The following CHRNA7 variants were observed in gnomAD, a reference collection of about 807,000 sequenced individuals.
CHRNA7 encodes the protein cholinergic receptor nicotinic alpha 7 subunit, also known as neuronal acetylcholine receptor subunit alpha-7.
A neutral mutation model predicts 48.0 loss-of-function variants in CHRNA7; 17 were observed. The observed-to-expected ratio is 0.35, with a 90% CI of 0.24 to 0.53. The LOEUF (loss-of-function observed/expected upper bound fraction) is 0.53, where lower values mean the gene tolerates loss of function less well. Ranked by LOEUF, CHRNA7 falls within the 20% of genes least tolerant of loss-of-function variation. CHRNA7 has a pLI of 0.92. For missense variants in CHRNA7, 155 were observed against 577.7 expected (o/e 0.27, Z 7.50); for synonymous variants, 75 against 242.3 (o/e 0.31, Z 6.41).
At chr15:32,134,900 G>A (rs1384847011) in intron 4 of CHRNA7, among the ~76,000 whole-genome samples, 4 of 152,228 alleles carry the variant, frequency 2.6e-5, no homozygotes, top group Non-Finnish European at 4.4e-5. Flanking sequence ...AGTTTCCTGC[G>A]TGAATCATAG....
Position 32,149,275 on chromosome 15 carries a change from C to T in CHRNA7, c.351-4632C>T, listed in dbSNP as rs888303259. On this transcript the variant is annotated intron_variant, in intron 4 of 9. Coordinates refer to ENST00000306901, the MANE Select transcript of CHRNA7 (RefSeq NM_000746.6). This position sits in a 1 kb window ranked among gnomAD's most constrained non-coding sequence, Gnocchi z 4.6. ...AGGAGAATGAATCCCTGCAGCCCTA[C>T]CCCTGTTTCCACGGTTATGGGTGTT... 2.6e-5 allele frequency among the ~76,000 whole-genome samples: 4 copies of T among 152,170 alleles called. No homozygotes were observed. The highest frequency in any genetic ancestry group is 5.9e-5 in the Non-Finnish European group (4 of 68,040).
At chr15:32,124,909 C>A (rs1038511069) in intron 4 of CHRNA7, among the ~76,000 whole-genome samples, 9 of 152,248 alleles carry the variant, frequency 5.9e-5, no homozygotes, top group African/African-American at 2.2e-4. Context: ...TATCTGCAAA[C>A]CAGGACAGTT....
chr15:32,114,879 C>G (rs564182242), intron 4 of CHRNA7, among the ~76,000 whole-genome samples: 2 of 152,324 alleles, frequency 1.3e-5, no homozygotes, highest in East Asian at 3.9e-4. Context: ...GGCCGATGTG[C>G]TGAGGGGTAC....
intron 2 of CHRNA7, among the ~76,000 whole-genome samples, chr15:32,056,510 G>GACA (rs1402523743): frequency 6.6e-6 from 1 of 152,116 alleles, no homozygotes; most frequent in Non-Finnish European, 1.5e-5. Flanking sequence ...CTATGCCTGT[G>GACA]CCCTAATGGA....
rs376319032 is a variant in CHRNA7 at position 32,090,067 on chromosome 15, A to G, written c.196-11236A>G. On this transcript the variant is annotated intron_variant, in intron 2 of 9. Coordinates refer to ENST00000306901, the MANE Select transcript of CHRNA7 (RefSeq NM_000746.6). The stretch of plus-strand genomic sequence containing the variant: ...AGGGGAAGAAGTGTTCTGTAATCCT[A>G]TGTTACATGGTAGCATTGTAGTAGG... 1.5e-4 allele frequency among the ~76,000 whole-genome samples: 23 copies of G among 152,250 alleles called. 1 individual carries two copies. Among genetic ancestry groups the G allele is most frequent in the Admixed American group, 6.5e-4 (10 of 15,292 alleles).
chr15:32,031,420 A>G (rs1047181189), intron 2 of CHRNA7, among the ~76,000 whole-genome samples: 2 of 152,194 alleles, frequency 1.3e-5, no homozygotes, highest in East Asian at 1.9e-4. Flanking sequence ...AGCATTGTCA[A>G]TTTAGCCACT....
chr15:32,068,052 C>T (rs1422198641), intron 2 of CHRNA7, among the ~76,000 whole-genome samples: 1 of 152,136 alleles, frequency 6.6e-6, no homozygotes, highest in East Asian at 1.9e-4. Flanking sequence ...TGGTTCACAC[C>T]TGTATTTTAA....
intron 4 of CHRNA7, among the ~76,000 whole-genome samples, chr15:32,137,837 T>C (rs975340281): frequency 3.9e-5 from 6 of 152,222 alleles, no homozygotes; most frequent in African/African-American, 1.4e-4. Context: ...GAAAAGATAC[T>C]TGTCTAAGCA....
chr15:32,071,075 C>T (rs1166633682), intron 2 of CHRNA7, among the ~76,000 whole-genome samples: 1 of 152,108 alleles, frequency 6.6e-6, no homozygotes, highest in Non-Finnish European at 1.5e-5. Context: ...TGCTTTTGCA[C>T]ATCTGTCATA....
rs768184804 is a variant in CHRNA7 at position 32,158,289 on chromosome 15, CTTT to C, written c.599-113_599-111del. On this transcript the variant is annotated intron_variant, in intron 6 of 9. Coordinates refer to ENST00000306901, the MANE Select transcript of CHRNA7 (RefSeq NM_000746.6). ...TATTCAAGCTAATTACAACCCCCCC[CTTT>C]TTTTTTTTTAGCACTTTGCAAACTT... 0.13 allele frequency: 69,600 copies of C among 521,532 alleles called. 3,723 individuals carry two copies. Among genetic ancestry groups the C allele is most frequent in the East Asian group, 0.3 (5,228 of 17,302 alleles). 32.3% of individuals were successfully genotyped at this position (521,532 alleles called of 1,614,324 possible).
chr15:32,113,590 T>C (rs867695051), intron 4 of CHRNA7, among the ~76,000 whole-genome samples: 1 of 152,270 alleles, frequency 6.6e-6, no homozygotes, highest in Middle Eastern at 3.4e-3. Context: ...AAGTGCCGGC[T>C]TCACAGAGTT....
chr15:32,089,569 G>GCTTC (rs1555379300), intron 2 of CHRNA7, among the ~76,000 whole-genome samples: 4 of 152,172 alleles, frequency 2.6e-5, no homozygotes, highest in African/African-American at 9.7e-5. Flanking sequence ...CTTTCTGAGA[G>GCTTC]TTTCTGCTGA....
At chr15:32,121,175 G>A (rs1447093109) in intron 4 of CHRNA7, among the ~76,000 whole-genome samples, 5 of 152,208 alleles carry the variant, frequency 3.3e-5, no homozygotes, top group Non-Finnish European at 7.4e-5. Flanking sequence ...ATCAAAACCT[G>A]GAGAAACAGA....
rs1470382066 is a variant in CHRNA7 at position 32,101,332 on chromosome 15, C to T, written c.225C>T (p.Asn75=). The T allele has an allele frequency of 1.3e-6, 2 of 1,584,936 alleles. No homozygotes were observed. The highest frequency in any genetic ancestry group is 1.8e-5 in the Admixed American group (1 of 54,938). The change falls in exon 3 of 10, where the codon AAC becomes AAT. Residue 75 remains asparagine, a synonymous_variant. Coordinates refer to ENST00000306901, the MANE Select transcript of CHRNA7 (RefSeq NM_000746.6). ...VDEKNQVLTT[N]IWLQMSWTDH... ...AGAAGAACCAAGTTTTAACCACCAA[C>T]ATTTGGCTGCAAATGGTAAGTTAAG...
chr15:32,123,387 TA>T (rs398118702), intron 4 of CHRNA7, among the ~76,000 whole-genome samples: 1 of 33,496 alleles, frequency 3.0e-5, no homozygotes, highest in African/African-American at 5.5e-5. Flanking sequence ...CCACTAGAGA[TA>T]AAATAAGGGA....
At chr15:32,093,804 C>T (rs1877747) in intron 2 of CHRNA7, among the ~76,000 whole-genome samples, 38 of 152,268 alleles carry the variant, frequency 2.5e-4, no homozygotes, top group African/African-American at 8.7e-4. Context: ...TAAATATACA[C>T]GTATTACACT....
chr15:32,130,139 T>A (rs2051130806), intron 4 of CHRNA7, among the ~76,000 whole-genome samples: 1 of 152,054 alleles, frequency 6.6e-6, no homozygotes, highest in African/African-American at 2.4e-5. Flanking sequence ...TCTTGGTATA[T>A]GCTCCATGAG....
At chr15:32,096,020 T>C (rs557762633) in intron 2 of CHRNA7, among the ~76,000 whole-genome samples, 99 of 152,348 alleles carry the variant, frequency 6.5e-4, no homozygotes, top group African/African-American at 2.3e-3. Context: ...ATTCCTCTTC[T>C]CCTTTGATTA....
chr15:32,036,335 C>T (rs773014776), intron 2 of CHRNA7, among the ~76,000 whole-genome samples: 13 of 152,178 alleles, frequency 8.5e-5, no homozygotes, highest in East Asian at 1.9e-4. Flanking sequence ...CATTCACCTC[C>T]GGAAGAACAT....
Sources: allele counts gnomAD v4.1 joint callset (sites outside exome capture counted in the v4.1 genomes callset), GRCh38; gene constraint gnomAD v4.1.1; non-coding constraint Gnocchi (gnomAD v3.1); transcripts MANE v1.5; gene names NCBI Gene and HGNC (gene_info 2026-07-23, HGNC 2026-07-21).